R3HCC1L: variants seen among roughly 807,000 people sequenced by gnomAD.
R3HCC1L encodes R3H domain and coiled-coil containing 1 like, also known as coiled-coil domain-containing protein R3HCC1L.
A neutral mutation model predicts 59.9 loss-of-function variants in R3HCC1L; 51 were observed. The observed-to-expected ratio is 0.85, with a 90% CI of 0.68 to 1.07. The LOEUF (loss-of-function observed/expected upper bound fraction) is 1.07. Among genes scored for constraint, R3HCC1L ranks in the 50% least tolerant of loss-of-function variants. R3HCC1L has a pLI of 0.00. For missense variants in R3HCC1L, 965 were observed against 933.0 expected (o/e 1.03, Z -0.45); for synonymous variants, 322 against 315.2 (o/e 1.02, Z -0.23).
At chr10:98,198,820 C>G (rs1343969079) in intron 4 of R3HCC1L, among the ~76,000 whole-genome samples, 1 of 152,084 alleles carries the variant, frequency 6.6e-6, no homozygotes, top group Non-Finnish European at 1.5e-5. Flanking sequence ...TTATATTTGT[C>G]CTGTGGCATT....
intron 5 of R3HCC1L, among the ~76,000 whole-genome samples, chr10:98,217,917 G>A (rs1475303624): frequency 6.6e-6 from 1 of 151,806 alleles, no homozygotes; most frequent in Middle Eastern, 3.2e-3. Context: ...GAGTTTTTTG[G>A]TGGAGTCATT....
At chr10:98,175,029 G>T (rs1848869363) in intron 4 of R3HCC1L, among the ~76,000 whole-genome samples, 1 of 152,072 alleles carries the variant, frequency 6.6e-6, no homozygotes, top group East Asian at 1.9e-4. Context: ...TGGAAGAGAT[G>T]ATAGAGTTGA....
At chr10:98,220,429 C>T (rs1283326462) in intron 5 of R3HCC1L, among the ~76,000 whole-genome samples, 64 of 145,180 alleles carry the variant, frequency 4.4e-4, no homozygotes, top group African/African-American at 1.5e-3. Flanking sequence ...TACATGTGCA[C>T]ATTGTGCAGG....
At chr10:98,175,134 A>G (rs1230299974) in intron 4 of R3HCC1L, among the ~76,000 whole-genome samples, 1 of 152,148 alleles carries the variant, frequency 6.6e-6, no homozygotes, top group African/African-American at 2.4e-5. Flanking sequence ...AAATTGGGAA[A>G]GACTATGGCC....
intron 4 of R3HCC1L, among the ~76,000 whole-genome samples, chr10:98,169,183 CTT>C (rs1236127649): frequency 1.3e-5 from 2 of 152,210 alleles, no homozygotes; most frequent in South Asian, 4.1e-4. Context: ...TCTTTGAACT[CTT>C]TTTGGTTGTT....
At chr10:98,204,601 A>G (rs1852424981) in intron 4 of R3HCC1L, among the ~76,000 whole-genome samples, 1 of 152,172 alleles carries the variant, frequency 6.6e-6, no homozygotes, top group South Asian at 2.1e-4. Flanking sequence ...AATTGGCAAT[A>G]TAGTGTTCTC....
chr10:98,222,098 C>G (rs1486163816), intron 5 of R3HCC1L, among the ~76,000 whole-genome samples: 1 of 152,066 alleles, frequency 6.6e-6, no homozygotes, highest in East Asian at 1.9e-4. Flanking sequence ...CCTTCACATC[C>G]CTTGTAAGTT....
rs1240549676 is a variant in R3HCC1L at position 98,181,915 on chromosome 10, C to CT, written c.-15+18525dup. The stretch of plus-strand genomic sequence containing the variant: ...TTTATTCTAGTTACATTTATCTAAT[C>CT]TTTTTTTCAAGATTTTTAGCTTCCT... On this transcript the variant is annotated intron_variant, in intron 4 of 9. Coordinates refer to ENST00000298999, the MANE Select transcript of R3HCC1L (RefSeq NM_001351015.2). Among the ~76,000 whole-genome samples the CT allele has an allele frequency of 8.5e-5, 13 of 152,146 alleles. No individual in the cohort carries two copies. The South Asian group carries it at 1.0e-3, about 12-fold the overall frequency.
intron 4 of R3HCC1L, among the ~76,000 whole-genome samples, chr10:98,188,222 G>A (rs1850441465): frequency 6.6e-6 from 1 of 152,124 alleles, no homozygotes; most frequent in Non-Finnish European, 1.5e-5. Flanking sequence ...ATGGTGCTGG[G>A]TATTGAGAAA....
At chr10:98,231,094 C>A in intron 5 of R3HCC1L, 1 of 394,752 alleles carries the variant, frequency 2.5e-6, no homozygotes, top group South Asian at 2.0e-5. Context: ...CATTTTTGTT[C>A]ACTTCCAGAA....
At chr10:98,239,283 A>G (rs996590505) in intron 9 of R3HCC1L, among the ~76,000 whole-genome samples, 4 of 152,174 alleles carry the variant, frequency 2.6e-5, no homozygotes, top group African/African-American at 7.2e-5. Context: ...GCTACTCTCC[A>G]TCCATTACAA....
At chr10:98,193,449 C>A (rs1236946728) in intron 4 of R3HCC1L, among the ~76,000 whole-genome samples, 1 of 152,024 alleles carries the variant, frequency 6.6e-6, no homozygotes, top group African/African-American at 2.4e-5. Context: ...AATCAACTCT[C>A]CAAAATCACT....
intron 1 of R3HCC1L, among the ~76,000 whole-genome samples, chr10:98,150,557 G>A (rs541158246): frequency 5.5e-4 from 83 of 149,860 alleles, no homozygotes; most frequent in African/African-American, 2.0e-3. Flanking sequence ...CCTCCTTTTC[G>A]GCACCAGCTG....
intron 4 of R3HCC1L, among the ~76,000 whole-genome samples, chr10:98,188,465 A>G (rs1850472830): frequency 6.6e-6 from 1 of 152,208 alleles, no homozygotes; most frequent in Non-Finnish European, 1.5e-5. Context: ...TAAGTCTTCA[A>G]ATGGCAATGG....
At chr10:98,226,354 C>T (rs1406519763) in intron 5 of R3HCC1L, among the ~76,000 whole-genome samples, 2 of 152,102 alleles carry the variant, frequency 1.3e-5, no homozygotes, top group Admixed American at 1.3e-4. Context: ...ATACATTTAA[C>T]AAAAGAGGTA....
intron 4 of R3HCC1L, among the ~76,000 whole-genome samples, chr10:98,181,078 T>C (rs1849576986): frequency 6.6e-6 from 1 of 152,212 alleles, no homozygotes; most frequent in African/African-American, 2.4e-5. Flanking sequence ...ATGTGTGAAT[T>C]TGATCCTGTC....
chr10:98,160,723 A>G (rs1471644530), intron 2 of R3HCC1L, among the ~76,000 whole-genome samples: 1 of 152,188 alleles, frequency 6.6e-6, no homozygotes, highest in Non-Finnish European at 1.5e-5. Context: ...CATGTTTCCA[A>G]AAGTCAGAAC....
chr10:98,149,871 G>T (rs528679730), intron 1 of R3HCC1L, among the ~76,000 whole-genome samples: 8 of 152,132 alleles, frequency 5.3e-5, no homozygotes, highest in Non-Finnish European at 1.2e-4. Flanking sequence ...CTTTGTTGAT[G>T]TTTTTTTGTC....
At position 98,235,995 on chromosome 10, in the gene R3HCC1L, T is replaced by C. The variant is rs764920369; in HGVS notation, c.2129-29T>C. The stretch of plus-strand genomic sequence containing the variant: ...TAGAGTGCTCTCTCTTCTTGACTCC[T>C]TCCTACTCCCTTCCTTTCTTCGATT... On this transcript the variant is annotated intron_variant, in intron 8 of 9. Coordinates refer to ENST00000298999, the MANE Select transcript of R3HCC1L (RefSeq NM_001351015.2). 3 of 1,605,242 alleles carry C rather than the reference T, an allele frequency of 1.9e-6. No homozygotes were observed. In the South Asian group the frequency reaches 3.3e-5, roughly 18 times the overall value.
Sources: gnomAD v4.1 joint callset for allele counts (sites outside exome capture counted in the v4.1 genomes callset) on GRCh38, gnomAD v4.1.1 for gene constraint, MANE v1.5 for transcripts, NCBI Gene and HGNC (gene_info 2026-07-23, HGNC 2026-07-21) for gene names.